Variants in HPSE2 observed in about 807,000 individuals in gnomAD.
HPSE2 encodes heparanase 2 (inactive).
A neutral mutation model predicts 60.5 loss-of-function variants in HPSE2; 38 were observed. That is an observed-to-expected ratio of 0.63 (90% CI 0.48 to 0.82). The LOEUF is 0.82. Among genes scored for constraint, HPSE2 ranks in the 40% least tolerant of loss-of-function variants. The pLI is 0.00. For synonymous variants in HPSE2, 295 were observed against 293.2 expected, an observed-to-expected ratio of 1.01 and a Z score of -0.06; for missense variants, 713 against 740.4, an observed-to-expected ratio of 0.96 and a Z score of 0.43.
the HPSE2 span, among the ~76,000 whole-genome samples, chr10:99,293,233 A>G: frequency 0.02 from 3,080 of 152,284 alleles, 113 homozygotes; most frequent in East Asian, 0.16. Flanking sequence ...AAGGAAAAAA[A>G]AAGGAAGCTA....
At position 99,111,146 on chromosome 10, in the gene HPSE2, G is replaced by A. The variant is rs114790585; in HGVS notation, c.610+33092C>T. Among the ~76,000 whole-genome samples, 633 of 152,070 alleles carry A rather than the reference G, an allele frequency of 4.2e-3. 6 individuals are homozygous for A. The highest frequency in any genetic ancestry group is 0.015 in the African/African-American group (603 of 41,488). On this transcript the variant is annotated intron_variant, in intron 3 of 11. Coordinates refer to ENST00000370552, the MANE Select transcript of HPSE2 (RefSeq NM_021828.5). The stretch of plus-strand genomic sequence containing the variant: ...TATATATATGGGGGTCTATTTCTGC[G>A]CTCTCTATTCTGTCCCATTGATCTA...
intron 9 of HPSE2, among the ~76,000 whole-genome samples, chr10:98,554,425 C>T (rs1332523936): frequency 6.6e-6 from 1 of 152,166 alleles, no homozygotes; most frequent in Non-Finnish European, 1.5e-5. Flanking sequence ...TTTCTCTATT[C>T]TCCCACAACA....
intron 11 of HPSE2, among the ~76,000 whole-genome samples, chr10:98,479,557 T>A (rs776509777): frequency 2.0e-5 from 3 of 152,172 alleles, no homozygotes; most frequent in African/African-American, 7.2e-5. Flanking sequence ...GTCTTGAACA[T>A]GTACATGACA....
At chr10:99,099,656 G>C (rs1036179416) in intron 3 of HPSE2, among the ~76,000 whole-genome samples, 3 of 152,204 alleles carry the variant, frequency 2.0e-5, no homozygotes, top group African/African-American at 7.2e-5. Flanking sequence ...GGTTCTCCAA[G>C]CACAGAGTTT....
intron 9 of HPSE2, among the ~76,000 whole-genome samples, chr10:98,558,200 C>A (rs942626912): frequency 1.3e-5 from 2 of 152,112 alleles, no homozygotes; most frequent in Non-Finnish European, 2.9e-5. Flanking sequence ...AGTTTATACA[C>A]CTTGGCAGTA....
At chr10:98,811,781 T>C (rs929030435) in intron 3 of HPSE2, among the ~76,000 whole-genome samples, 2 of 152,156 alleles carry the variant, frequency 1.3e-5, no homozygotes, top group African/African-American at 4.8e-5. Context: ...ACTGACATCT[T>C]AACAATGTGT....
chr10:99,286,363 T>G, the HPSE2 span, among the ~76,000 whole-genome samples: 1 of 152,206 alleles, frequency 6.6e-6, no homozygotes, highest in Non-Finnish European at 1.5e-5. Context: ...ATCTTATATA[T>G]GTACACAATG....
At chr10:98,871,288 A>C (rs1193595734) in intron 3 of HPSE2, among the ~76,000 whole-genome samples, 1 of 152,132 alleles carries the variant, frequency 6.6e-6, no homozygotes. Context: ...GATCCTCTTG[A>C]CTACATCCAT....
intron 9 of HPSE2, among the ~76,000 whole-genome samples, chr10:98,608,363 G>A (rs1945653446): frequency 1.3e-5 from 2 of 152,184 alleles, no homozygotes; most frequent in Admixed American, 6.5e-5. Flanking sequence ...TTGCATCGGC[G>A]TGAGCTGTTG....
chr10:99,159,322 G>C (rs1401134692), intron 2 of HPSE2, among the ~76,000 whole-genome samples: 1 of 152,054 alleles, frequency 6.6e-6, no homozygotes. Context: ...ATTTTCAAAA[G>C]GTTTCAAACA....
intron 3 of HPSE2, among the ~76,000 whole-genome samples, chr10:99,105,889 T>A (rs1844227858): frequency 6.6e-6 from 1 of 152,144 alleles, no homozygotes; most frequent in African/African-American, 2.4e-5. Flanking sequence ...AGCTTTTCAC[T>A]CTTATATTGT....
intron 3 of HPSE2, among the ~76,000 whole-genome samples, chr10:98,998,363 C>T (rs867698280): frequency 2.0e-4 from 30 of 152,234 alleles, no homozygotes; most frequent in African/African-American, 7.0e-4. Context: ...AAAGTATCTT[C>T]CTGATGAAAG....
chr10:98,909,203 T>C (rs1462035325), intron 3 of HPSE2, among the ~76,000 whole-genome samples: 4 of 152,248 alleles, frequency 2.6e-5, no homozygotes, highest in African/African-American at 9.6e-5. Context: ...TGTATTATGC[T>C]ACTGACATTT....
chr10:99,132,215 G>GGA (rs1845452896), intron 3 of HPSE2, among the ~76,000 whole-genome samples: 3 of 20,888 alleles, frequency 1.4e-4, no homozygotes, highest in Admixed American at 1.4e-3. Flanking sequence ...GAGAGAGAGA[G>GGA]AGAGAGAGAG....
chr10:98,903,075 T>G (rs901423419), intron 3 of HPSE2, among the ~76,000 whole-genome samples: 1 of 152,140 alleles, frequency 6.6e-6, no homozygotes, highest in African/African-American at 2.4e-5. Flanking sequence ...AGTCATACAA[T>G]GGAATATTAT....
At chr10:98,680,598 T>G (rs1005344331) in intron 6 of HPSE2, among the ~76,000 whole-genome samples, 9 of 152,202 alleles carry the variant, frequency 5.9e-5, no homozygotes, top group Non-Finnish European at 8.8e-5. Flanking sequence ...AAGAATGTCC[T>G]TGATAAAGTA....
chr10:99,150,840 C>T (rs1465585537), intron 2 of HPSE2, among the ~76,000 whole-genome samples: 1 of 151,916 alleles, frequency 6.6e-6, no homozygotes, highest in Non-Finnish European at 1.5e-5. Context: ...GTGAAAAAGA[C>T]CTAAAAAATG....
intron 5 of HPSE2, among the ~76,000 whole-genome samples, chr10:98,702,715 T>C (rs1052958591): frequency 6.6e-6 from 1 of 152,064 alleles, no homozygotes; most frequent in Admixed American, 6.6e-5. Flanking sequence ...AAGGAAGAAA[T>C]AAAGAAGTTC....
intron 4 of HPSE2, among the ~76,000 whole-genome samples, chr10:98,733,514 C>T (rs143829222): frequency 3.7e-4 from 56 of 152,226 alleles, no homozygotes; most frequent in Non-Finnish European, 6.6e-4. Flanking sequence ...CAGTAGAAAA[C>T]GTACTTCACT....
Sources: gnomAD v4.1 joint callset for allele counts (sites outside exome capture counted in the v4.1 genomes callset) on GRCh38, gnomAD v4.1.1 for gene constraint, MANE v1.5 for transcripts, NCBI Gene and HGNC (gene_info 2026-07-23, HGNC 2026-07-21) for gene names.